ADGRL3: variants seen among roughly 807,000 people sequenced by gnomAD.
ADGRL3 encodes the protein calcium-independent alpha-latrotoxin receptor 3.
Under a neutral mutation model 153.5 loss-of-function variants are expected in ADGRL3, and 62 were observed. That is an observed-to-expected ratio of 0.40 (90% confidence interval 0.33 to 0.50). The LOEUF (loss-of-function observed/expected upper bound fraction) is 0.50. ADGRL3 is among the 20% of genes least tolerant of loss of function. ADGRL3 has a pLI of 0.47. For synonymous variants in ADGRL3, 710 were observed against 672.5 expected (o/e 1.06, Z -0.86); for missense variants, 1,641 against 1,859.4 (o/e 0.88, Z 2.16).
At chr4:61,425,798 G>C (rs1456457028) in intron 2 of ADGRL3, among the ~76,000 whole-genome samples, 1 of 152,212 alleles carries the variant, frequency 6.6e-6, no homozygotes, top group African/African-American at 2.4e-5. Context: ...GGAGTGACAT[G>C]TAAATCACAC....
At chr4:61,796,474 G>C (rs2097413919) in intron 8 of ADGRL3, among the ~76,000 whole-genome samples, 1 of 152,140 alleles carries the variant, frequency 6.6e-6, no homozygotes, top group Non-Finnish European at 1.5e-5. Flanking sequence ...ACTGAAGTCA[G>C]AGCTCTTATG....
chr4:61,361,961 T>A (rs988658847), intron 1 of ADGRL3, among the ~76,000 whole-genome samples: 19 of 149,672 alleles, frequency 1.3e-4, no homozygotes, highest in Non-Finnish European at 1.9e-4. Flanking sequence ...AGGCTTTTTT[T>A]AATGATATAA....
chr4:61,531,310 C>G (rs556446219), intron 4 of ADGRL3, among the ~76,000 whole-genome samples: 1 of 152,160 alleles, frequency 6.6e-6, no homozygotes, highest in Non-Finnish European at 1.5e-5. Flanking sequence ...TTCGCCTAGT[C>G]TAACTTGCAT....
intron 5 of ADGRL3, among the ~76,000 whole-genome samples, chr4:61,637,665 G>A (rs983181416): frequency 3.3e-5 from 5 of 152,096 alleles, no homozygotes; most frequent in Non-Finnish European, 7.4e-5. Context: ...TGAGGCTGAG[G>A]CACAAGAATC....
chr4:62,019,825 AG>A, intron 21 of ADGRL3, among the ~76,000 whole-genome samples: 1 of 152,290 alleles, frequency 6.6e-6, no homozygotes, highest in African/African-American at 2.4e-5. Context: ...ATACTTCAAA[AG>A]CTTTTACTAA....
At chr4:61,551,088 G>T (rs1023432414) in intron 4 of ADGRL3, among the ~76,000 whole-genome samples, 1 of 152,052 alleles carries the variant, frequency 6.6e-6, no homozygotes, top group Non-Finnish European at 1.5e-5. Context: ...CAGCTTACAT[G>T]TTAGTAGGCT....
intron 11 of ADGRL3, among the ~76,000 whole-genome samples, chr4:61,898,841 T>G (rs1239189971): frequency 6.6e-6 from 1 of 152,078 alleles, no homozygotes; most frequent in East Asian, 1.9e-4. Flanking sequence ...GGTCTCAAAC[T>G]CCTGAGCTCA....
rs1054229189 is a variant in ADGRL3, at chr4:62,027,270, A to C, written c.3396-1585A>C. ...TCTTTATCTTTCACACATCCATGGC[A>C]TTATTCAAATATCTCTTGGATTTCC... On this transcript the variant is annotated intron_variant, in intron 21 of 26. Transcript: ENST00000683033. Among the ~76,000 whole-genome samples the C allele has an allele frequency of 5.3e-5, 8 of 152,076 alleles. No homozygotes were observed. The South Asian group carries it at 1.0e-3, about 20-fold the overall frequency.
chr4:61,246,978 ATGC>A (rs752473113), intron 1 of ADGRL3, among the ~76,000 whole-genome samples: 7 of 152,090 alleles, frequency 4.6e-5, no homozygotes, highest in Non-Finnish European at 1.0e-4. Flanking sequence ...CACAAATTGA[ATGC>A]TACCACTTAT....
At chr4:61,919,791 T>C (rs995097261) in intron 13 of ADGRL3, among the ~76,000 whole-genome samples, 1 of 152,136 alleles carries the variant, frequency 6.6e-6, no homozygotes, top group Non-Finnish European at 1.5e-5. Flanking sequence ...CTCTCACAAT[T>C]CCCCTGGCGA....
At chr4:61,879,088 A>AT (rs2149464979) in intron 9 of ADGRL3, among the ~76,000 whole-genome samples, 1 of 152,250 alleles carries the variant, frequency 6.6e-6, no homozygotes, top group African/African-American at 2.4e-5. Flanking sequence ...TTGAAGAAAT[A>AT]TTTTTCTCTC....
At chr4:61,947,734 T>A (rs1454041563) in intron 16 of ADGRL3, among the ~76,000 whole-genome samples, 1 of 152,220 alleles carries the variant, frequency 6.6e-6, no homozygotes, top group Non-Finnish European at 1.5e-5. Context: ...TATACAAAGA[T>A]TGAGGTTGTA....
intron 1 of ADGRL3, among the ~76,000 whole-genome samples, chr4:61,224,215 A>G: frequency 6.6e-6 from 1 of 152,098 alleles, no homozygotes; most frequent in East Asian, 1.9e-4. Context: ...ACAACTTTAA[A>G]TATGTTTATT....
intron 22 of ADGRL3, among the ~76,000 whole-genome samples, chr4:62,030,223 G>A (rs1414421089): frequency 6.6e-6 from 1 of 151,478 alleles, no homozygotes; most frequent in Admixed American, 6.6e-5. Flanking sequence ...AAAACAAATT[G>A]AACTCAGCTT....
At chr4:61,234,251 G>A (rs539020869) in intron 1 of ADGRL3, among the ~76,000 whole-genome samples, 23 of 152,186 alleles carry the variant, frequency 1.5e-4, no homozygotes, top group Non-Finnish European at 3.1e-4. Flanking sequence ...ATCATGGCGG[G>A]AGGCAAAAGG....
intron 21 of ADGRL3, among the ~76,000 whole-genome samples, chr4:62,025,153 T>C (rs1717744736): frequency 1.3e-5 from 2 of 152,126 alleles, no homozygotes; most frequent in Non-Finnish European, 2.9e-5. Flanking sequence ...TTAGATTTTT[T>C]TTCTGCTCAC....
chr4:61,877,753 G>A (rs886404820), intron 9 of ADGRL3, among the ~76,000 whole-genome samples: 43 of 152,080 alleles, frequency 2.8e-4, no homozygotes, highest in African/African-American at 1.0e-3. Flanking sequence ...TGGTCATCCT[G>A]ATATGGTTTG....
chr4:61,888,588 C>T (rs2098552414), intron 9 of ADGRL3, among the ~76,000 whole-genome samples: 1 of 152,152 alleles, frequency 6.6e-6, no homozygotes, highest in East Asian at 1.9e-4. Flanking sequence ...TCTTACATAG[C>T]AGTAAATGGA....
rs116752388 is a variant in ADGRL3, at chr4:61,819,035, A to T, written c.1480+5146A>T. Among the ~76,000 whole-genome samples the T allele has an allele frequency of 8.5e-3, 1,291 of 152,282 alleles. 21 individuals carry two copies. The highest frequency in any genetic ancestry group is 0.03 in the African/African-American group (1,239 of 41,566). ...TGGTATAATAATATCATTAGCTTGG[A>T]ACTATAAAATATTTCCTTTCAACTA... On this transcript the variant is annotated intron_variant, in intron 9 of 26. Transcript: ENST00000683033.
Sources: gnomAD v4.1 joint callset for allele counts (sites outside exome capture counted in the v4.1 genomes callset) on GRCh38, gnomAD v4.1.1 for gene constraint, MANE v1.5 for transcripts, NCBI Gene and HGNC (gene_info 2026-07-23, HGNC 2026-07-21) for gene names.